BCL2L2: variants seen among roughly 807,000 people sequenced by gnomAD.
BCL2L2 encodes BCL2 like 2, also known as bcl-2-like protein 2.
BCL2L2 carries 6 observed loss-of-function variants against 14.6 expected under a neutral mutation model. That is an observed-to-expected ratio of 0.41 (90% CI 0.22 to 0.81). BCL2L2 has a LOEUF of 0.81. Among genes scored for constraint, BCL2L2 ranks in the 30% least tolerant of loss-of-function variants. BCL2L2 has a pLI of 0.32. For missense variants in BCL2L2, 191 were observed against 260.5 expected (o/e 0.73, Z 1.84); for synonymous variants, 90 against 108.5 (o/e 0.83, Z 1.06).
chr14:23,309,123 T>C lies in BCL2L2; in HGVS notation c.*158T>C, dbSNP rs1594979252. On this transcript the variant is annotated 3_prime_UTR_variant, in exon 4 of 4. Coordinates refer to ENST00000250405, the MANE Select transcript of BCL2L2 (RefSeq NM_004050.5). ...GTGTGAGGGAGCTGAGTAGGCCAGGTAGGCGATTGGAAGAGTGAGCAGGAC... is the reference window on the plus strand; with the variant it reads ...GTGTGAGGGAGCTGAGTAGGCCAGGCAGGCGATTGGAAGAGTGAGCAGGAC... 1 of 1,243,994 alleles carries C rather than the reference T, an allele frequency of 8.0e-7. No homozygotes were observed. Among genetic ancestry groups the C allele is most frequent in the Non-Finnish European group, 1.0e-6 (1 of 988,478 alleles). The allele number at this position is 1,243,994 out of a possible 1,614,324, so 77.1% of individuals were successfully genotyped here.
chr14:23,310,675 G>A lies in BCL2L2; in HGVS notation c.*1710G>A, dbSNP rs1256046171. The A allele has an allele frequency of 1.7e-6, 2 of 1,144,142 alleles. No individual in the cohort carries two copies. The highest frequency in any genetic ancestry group is 2.2e-6 in the Non-Finnish European group (2 of 922,096). 70.9% of individuals were successfully genotyped at this position (1,144,142 alleles called of 1,614,324 possible). On this transcript the variant is annotated 3_prime_UTR_variant, in exon 4 of 4. Coordinates refer to ENST00000250405, the MANE Select transcript of BCL2L2 (RefSeq NM_004050.5). The stretch of plus-strand genomic sequence containing the variant: ...GAGCCAGCTTGTGGCAAGCAGTTGG[G>A]GTGGGGGGTCTCTGACTTGCTCAGG...
rs1887464876 is a variant in BCL2L2 at position 23,309,349 on chromosome 14, G to A, written c.*384G>A. On this transcript the variant is annotated 3_prime_UTR_variant, in exon 4 of 4. Transcript: ENST00000250405. ...GAGTGGGATTTAGGGAACGCAGAAG[G>A]CACATCCCTTTGGAATGGAAGCTTA... 1 of 1,020,104 alleles carries A rather than the reference G, an allele frequency of 9.8e-7. No homozygotes were observed. The highest frequency in any genetic ancestry group is 1.2e-6 in the Non-Finnish European group (1 of 852,948). 63.2% of individuals were successfully genotyped at this position (1,020,104 alleles called of 1,614,324 possible). A position where few individuals can be genotyped will look rare whatever the true frequency, so the allele number is the denominator to read the frequency against.
Position 23,308,947 on chromosome 14 carries a change from C to A in BCL2L2, c.564C>A (p.Ala188=), listed in dbSNP as rs764364614. Reference sequence around the variant, plus strand: ...TGGGGGCCCTGGTAACTGTAGGGGCCTTTTTTGCTAGCAAGTGAAAGTCCA... The same window carrying A: ...TGGGGGCCCTGGTAACTGTAGGGGCATTTTTTGCTAGCAAGTGAAAGTCCA... The part of the protein sequence containing the change: ...VALGALVTVG[A]FFASK Residue 188 remains alanine, a synonymous_variant, in exon 4 of 4, where the codon GCC becomes GCA. Coordinates refer to ENST00000250405, the MANE Select transcript of BCL2L2 (RefSeq NM_004050.5). The surrounding 1 kb of genome is among the most constrained non-coding windows in gnomAD (Gnocchi z 5.4). The A allele has an allele frequency of 2.3e-6, 3 of 1,324,000 alleles. No individual in the cohort carries two copies. Among genetic ancestry groups the A allele is most frequent in the South Asian group, 2.9e-5 (1 of 34,508 alleles). 82.0% of individuals were successfully genotyped at this position (1,324,000 alleles called of 1,614,324 possible).
chr14:23,308,006 C>G lies in BCL2L2; in HGVS notation c.239C>G (p.Thr80Ser). 1 of 1,614,200 alleles carries G rather than the reference C, an allele frequency of 6.2e-7. No individual in the cohort carries two copies. The highest frequency in any genetic ancestry group is 8.5e-7 in the Non-Finnish European group (1 of 1,180,042). Residue 80 changes from threonine to serine, a missense_variant, in exon 3 of 4, where the codon ACC (threonine) becomes AGC (serine). Coordinates refer to ENST00000250405, the MANE Select transcript of BCL2L2 (RefSeq NM_004050.5). This position sits in a 1 kb window ranked among gnomAD's most constrained non-coding sequence, Gnocchi z 5.4. ...CCAGGCTCAGCCCAACAACGCTTCA[C>G]CCAGGTCTCCGATGAACTTTTTCAA... ...VTPGSAQQRFTQVSDELFQGG... is the reference protein window; with the variant it reads ...VTPGSAQQRFSQVSDELFQGG...
rs1594979358 is a variant in BCL2L2, at chr14:23,309,221, G to A, written c.*256G>A. 5.2e-6 allele frequency: 6 copies of A among 1,156,764 alleles called. No homozygotes were observed. The highest frequency in any genetic ancestry group is 6.4e-6 in the Non-Finnish European group (6 of 940,386). 71.7% of individuals were successfully genotyped at this position (1,156,764 alleles called of 1,614,324 possible). The stretch of plus-strand genomic sequence containing the variant: ...TAGTCGTTCCAGGGCTGGGGGAGGT[G>A]GGAGGGATCACGCCTATAGGTGTGG... On this transcript the variant is annotated 3_prime_UTR_variant, in exon 4 of 4. Transcript: ENST00000250405.
In BCL2L2 at chr14:23,310,306, G is replaced by T. The variant is rs1054652667; in HGVS notation, c.*1341G>T. ...GAGGAAGAAATTATTCACTCCAGATGCATGCCCTGAGCCAGACCTCACTGC... is the reference window on the plus strand; with the variant it reads ...GAGGAAGAAATTATTCACTCCAGATTCATGCCCTGAGCCAGACCTCACTGC... On this transcript the variant is annotated 3_prime_UTR_variant, in exon 4 of 4. Coordinates refer to ENST00000250405, the MANE Select transcript of BCL2L2 (RefSeq NM_004050.5). The T allele has an allele frequency of 1.6e-5, 16 of 986,354 alleles. No individual in the cohort carries two copies. Among genetic ancestry groups the T allele is most frequent in the Non-Finnish European group, 1.8e-5 (15 of 830,420 alleles). The allele number at this position is 986,354 out of a possible 1,614,324, so 61.1% of individuals were successfully genotyped here.
Position 23,307,961 on chromosome 14 carries a change from C to T in BCL2L2, c.194C>T (p.Ala65Val), listed in dbSNP as rs773091533. The change falls in exon 3 of 4, where the codon GCG (alanine) becomes GTG (valine). Residue 65 changes from alanine to valine, a missense_variant. By Grantham distance (64) the Ala-to-Val change is moderately conservative. Coordinates refer to ENST00000250405, the MANE Select transcript of BCL2L2 (RefSeq NM_004050.5). The stretch of plus-strand genomic sequence containing the variant: ...TTCCGGCGCACCTTCTCTGATCTGG[C>T]GGCTCAGCTGCATGTGACCCCAGGC... ...TRFRRTFSDL[A>V]AQLHVTPGSA... 1.9e-6 allele frequency: 3 copies of T among 1,614,054 alleles called. No individual in the cohort carries two copies. The highest frequency in any genetic ancestry group is 2.2e-5 in the South Asian group (2 of 91,080).
At position 23,310,101 on chromosome 14, in the gene BCL2L2, C is replaced by T. The variant is rs777260445; in HGVS notation, c.*1136C>T. On this transcript the variant is annotated 3_prime_UTR_variant, in exon 4 of 4. Coordinates refer to ENST00000250405, the MANE Select transcript of BCL2L2 (RefSeq NM_004050.5). ...TGCTGTGTTGTGGGCTTTGGTTCGG[C>T]TTTATCAGGGGCCAGGCATATGGGT... The T allele has an allele frequency of 2.4e-5, 24 of 985,334 alleles. No individual in the cohort carries two copies. The highest frequency in any genetic ancestry group is 2.8e-5 in the Non-Finnish European group (23 of 830,024). 61.0% of individuals were successfully genotyped at this position (985,334 alleles called of 1,614,324 possible). A position where few individuals can be genotyped will look rare whatever the true frequency, so the allele number is the denominator to read the frequency against.
At position 23,311,569 on chromosome 14, in the gene BCL2L2, T is replaced by C. The variant is rs897728797; in HGVS notation, c.*2604T>C. The C allele has an allele frequency of 5.1e-6, 5 of 985,884 alleles. No homozygotes were observed. The African/African-American group carries it at 8.7e-5, about 17-fold the overall frequency. 61.1% of individuals were successfully genotyped at this position (985,884 alleles called of 1,614,324 possible). ...CAAACACTATTTTACTTTTTTAAAATCATAAAACGGCAGAACAGATTTGGT... is the reference window on the plus strand; with the variant it reads ...CAAACACTATTTTACTTTTTTAAAACCATAAAACGGCAGAACAGATTTGGT... On this transcript the variant is annotated 3_prime_UTR_variant, in exon 4 of 4. Transcript: ENST00000250405.
Position 23,309,245 on chromosome 14 carries a change from G to A in BCL2L2, c.*280G>A. 8.4e-7 allele frequency: 1 copy of A among 1,190,038 alleles called. No homozygotes were observed. Among genetic ancestry groups the A allele is most frequent in the Non-Finnish European group, 1.0e-6 (1 of 961,602 alleles). 73.7% of individuals were successfully genotyped at this position (1,190,038 alleles called of 1,614,324 possible). On this transcript the variant is annotated 3_prime_UTR_variant, in exon 4 of 4. Coordinates refer to ENST00000250405, the MANE Select transcript of BCL2L2 (RefSeq NM_004050.5). ...TGGGAGGGATCACGCCTATAGGTGT[G>A]GGCACATGAAACGACCTGGAACTTG...
Position 23,311,636 on chromosome 14 carries a change from T to C in BCL2L2, c.*2671T>C. ...AAAGCTCTATAAATATAAATCTATATTCCTGTATTTTTATTTAATAATTTA... is the reference window on the plus strand; with the variant it reads ...AAAGCTCTATAAATATAAATCTATACTCCTGTATTTTTATTTAATAATTTA... On this transcript the variant is annotated 3_prime_UTR_variant, in exon 4 of 4. Transcript: ENST00000250405. The C allele has an allele frequency of 1.1e-6, 1 of 932,686 alleles. No homozygotes were observed. Among genetic ancestry groups the C allele is most frequent in the Non-Finnish European group, 1.3e-6 (1 of 781,970 alleles). 57.8% of individuals were successfully genotyped at this position (932,686 alleles called of 1,614,324 possible).
chr14:23,311,737 G>T lies in BCL2L2; in HGVS notation c.*2772G>T. The T allele has an allele frequency of 7.2e-6, 7 of 972,734 alleles. No individual in the cohort carries two copies. Among genetic ancestry groups the T allele is most frequent in the Non-Finnish European group, 8.6e-6 (7 of 818,410 alleles). 60.3% of individuals were successfully genotyped at this position (972,734 alleles called of 1,614,324 possible). ...TATTAAAAACAATAAATAAAGCCCA[G>T]AAGTTTAATGAGAAGGACTGAACAG... is the stretch of plus-strand genomic sequence containing the variant. On this transcript the variant is annotated 3_prime_UTR_variant, in exon 4 of 4. Coordinates refer to ENST00000250405, the MANE Select transcript of BCL2L2 (RefSeq NM_004050.5).
Position 23,309,005 on chromosome 14 carries a change from A to G in BCL2L2, c.*40A>G, listed in dbSNP as rs1179644795. The G allele has an allele frequency of 7.6e-7, 1 of 1,320,152 alleles. No individual in the cohort carries two copies. Among genetic ancestry groups the G allele is most frequent in the East Asian group, 2.8e-5 (1 of 35,742 alleles). The allele number at this position is 1,320,152 out of a possible 1,614,324, so 81.8% of individuals were successfully genotyped here. A position where few individuals can be genotyped will look rare whatever the true frequency, so the allele number is the denominator to read the frequency against. On this transcript the variant is annotated 3_prime_UTR_variant, in exon 4 of 4. Transcript: ENST00000250405. ...GTGGGGCTAGGTGTGGCTGGGGGCC[A>G]GGAGAGCAGGAACAGAACAGAGAAA...
chr14:23,311,328 A>G lies in BCL2L2; in HGVS notation c.*2363A>G, dbSNP rs988438405. On this transcript the variant is annotated 3_prime_UTR_variant, in exon 4 of 4. Transcript: ENST00000250405. ...TAGCTCTTGGCCAAGAAGGCTGAGT[A>G]TGGTTCCCAATTTTTAAATCCATTT... 1 of 1,089,546 alleles carries G rather than the reference A, an allele frequency of 9.2e-7. No individual in the cohort carries two copies. The highest frequency in any genetic ancestry group is 1.1e-6 in the Non-Finnish European group (1 of 892,610). The allele number at this position is 1,089,546 out of a possible 1,614,324, so 67.5% of individuals were successfully genotyped here.
chr14:23,311,495 A>G lies in BCL2L2; in HGVS notation c.*2530A>G, dbSNP rs1424010444. On this transcript the variant is annotated 3_prime_UTR_variant, in exon 4 of 4. Transcript: ENST00000250405. ...CCAAGGAAGGAGCGGAAGTAGGGCA[A>G]CTCGGTCCTGCGATTATTAATCCCA... 2 of 1,004,450 alleles carry G rather than the reference A, an allele frequency of 2.0e-6. No individual in the cohort carries two copies. Among genetic ancestry groups the G allele is most frequent in the African/African-American group, 3.5e-5 (2 of 57,248 alleles). The allele number at this position is 1,004,450 out of a possible 1,614,324, so 62.2% of individuals were successfully genotyped here. A position where few individuals can be genotyped will look rare whatever the true frequency, so the allele number is the denominator to read the frequency against.
chr14:23,308,976 C>T lies in BCL2L2; in HGVS notation c.*11C>T. On this transcript the variant is annotated 3_prime_UTR_variant, in exon 4 of 4. Coordinates refer to ENST00000250405, the MANE Select transcript of BCL2L2 (RefSeq NM_004050.5). This position sits in a 1 kb window ranked among gnomAD's most constrained non-coding sequence, Gnocchi z 5.4. The stretch of plus-strand genomic sequence containing the variant: ...TTTGCTAGCAAGTGAAAGTCCAGGG[C>T]CAGGTGGGGCTAGGTGTGGCTGGGG... 1 of 1,323,454 alleles carries T rather than the reference C, an allele frequency of 7.6e-7. No individual in the cohort carries two copies. The highest frequency in any genetic ancestry group is 9.7e-7 in the Non-Finnish European group (1 of 1,028,046). The allele number at this position is 1,323,454 out of a possible 1,614,324, so 82.0% of individuals were successfully genotyped here.
Position 23,308,248 on chromosome 14 carries a change from T to C in BCL2L2, c.432+49T>C. ...TCTGCACATCCTTCTGCAAAGCTGG[T>C]CTCCAGGGGGAAGATGGGGGCTCTG... On this transcript the variant is annotated intron_variant, in intron 3 of 3. Coordinates refer to ENST00000250405, the MANE Select transcript of BCL2L2 (RefSeq NM_004050.5). This position sits in a 1 kb window ranked among gnomAD's most constrained non-coding sequence, Gnocchi z 5.4. 6.5e-7 allele frequency: 1 copy of C among 1,530,506 alleles called. No individual in the cohort carries two copies. Among genetic ancestry groups the C allele is most frequent in the Non-Finnish European group, 8.8e-7 (1 of 1,142,378 alleles). The allele number at this position is 1,530,506 out of a possible 1,614,324, so 94.8% of individuals were successfully genotyped here. A position where few individuals can be genotyped will look rare whatever the true frequency, so the allele number is the denominator to read the frequency against.
chr14:23,307,621 G>GTT, intron 2 of BCL2L2, 139 bp from the exon 3 acceptor site: 1 of 1,156,232 alleles, frequency 8.6e-7, no homozygotes, highest in Non-Finnish European at 1.2e-6. Flanking sequence ...TAATTCCCTT[G>GTT]TTCTTGCCTC....
chr14:23,310,399 C>A lies in BCL2L2; in HGVS notation c.*1434C>A. The A allele has an allele frequency of 1.0e-6, 1 of 992,826 alleles. No homozygotes were observed. The highest frequency in any genetic ancestry group is 1.2e-6 in the Non-Finnish European group (1 of 834,398). The allele number at this position is 992,826 out of a possible 1,614,324, so 61.5% of individuals were successfully genotyped here. ...CTTTCTGACACAGTGCTCTAGAACC[C>A]TGCCTGTGGTCCTGAGCACTGATCA... On this transcript the variant is annotated 3_prime_UTR_variant, in exon 4 of 4. Transcript: ENST00000250405.
Sources: allele counts gnomAD v4.1 joint callset, GRCh38; gene constraint gnomAD v4.1.1; non-coding constraint Gnocchi (gnomAD v3.1); transcripts MANE v1.5; gene names NCBI Gene and HGNC (gene_info 2026-07-23, HGNC 2026-07-21).